Variants in PLB1 observed in about 807,000 individuals in gnomAD.
PLB1 encodes phospholipase B1, membrane-associated.
A neutral mutation model predicts 227.4 loss-of-function variants in PLB1; 242 were observed. The ratio of observed to expected loss-of-function variants is 1.06; its 90% CI spans 0.96 to 1.18. The LOEUF (loss-of-function observed/expected upper bound fraction) is 1.18. Ranked by LOEUF, PLB1 falls within the 50% of genes most tolerant of loss-of-function variation. PLB1 has a pLI of 0.00. For missense variants in PLB1, 1,858 were observed against 1,816.3 expected (o/e 1.02, Z -0.42); for synonymous variants, 757 against 682.2 (o/e 1.11, Z -1.71).
intron 16 of PLB1, among the ~76,000 whole-genome samples, chr2:28,552,719 G>A (rs1399876899): frequency 6.6e-6 from 1 of 152,222 alleles, no homozygotes; most frequent in African/African-American, 2.4e-5. Context: ...TGGAGGCAGA[G>A]GCACTGGAGC....
At chr2:28,615,295 C>T (rs569409400) in intron 44 of PLB1, among the ~76,000 whole-genome samples, 10 of 152,146 alleles carry the variant, frequency 6.6e-5, no homozygotes, top group Non-Finnish European at 1.3e-4. Flanking sequence ...TCACACAAAG[C>T]CTGAATTACT....
chr2:28,504,900 C>T (rs1171687024), intron 1 of PLB1, among the ~76,000 whole-genome samples: 1 of 152,084 alleles, frequency 6.6e-6, no homozygotes, highest in Non-Finnish European at 1.5e-5. Context: ...ACCTGGTTAT[C>T]TTTTATTGCA....
intron 3 of PLB1, among the ~76,000 whole-genome samples, chr2:28,518,830 A>G (rs112079452): frequency 1.6e-4 from 25 of 152,270 alleles, no homozygotes; most frequent in African/African-American, 5.8e-4. Context: ...ATGTAGTACA[A>G]TGGCAGCTCT....
chr2:28,612,722 C>A (rs1011538491), intron 43 of PLB1, among the ~76,000 whole-genome samples: 6 of 150,956 alleles, frequency 4.0e-5, no homozygotes, highest in Non-Finnish European at 8.8e-5. Context: ...AATTCTCATG[C>A]CTCAACCTCT....
At chr2:28,603,887 C>A in intron 39 of PLB1, 79 bp from the exon 40 acceptor site, 1 of 1,368,896 alleles carries the variant, frequency 7.3e-7, no homozygotes. Flanking sequence ...TCCACCCCTC[C>A]CCTGAACCTG....
chr2:28,544,736 A>G (rs930694982), intron 14 of PLB1, among the ~76,000 whole-genome samples: 1 of 152,276 alleles, frequency 6.6e-6, no homozygotes, highest in African/African-American at 2.4e-5. Context: ...AATGTGTTGG[A>G]GGAGGTCACG....
At chr2:28,557,174 G>A (rs577437875) in intron 17 of PLB1, among the ~76,000 whole-genome samples, 2 of 152,292 alleles carry the variant, frequency 1.3e-5, no homozygotes, top group South Asian at 2.1e-4. Flanking sequence ...AAGACACTTA[G>A]AGAAGTGTTT....
At chr2:28,598,236 G>A (rs1485471539) in intron 34 of PLB1, among the ~76,000 whole-genome samples, 188 bp downstream of exon 34, 1 of 152,196 alleles carries the variant, frequency 6.6e-6, no homozygotes, top group Admixed American at 6.5e-5. Flanking sequence ...AGAGCCTGAA[G>A]ATCTGAGTTC....
At chr2:28,546,168 C>A (rs549578234) in intron 14 of PLB1, among the ~76,000 whole-genome samples, 1 of 152,180 alleles carries the variant, frequency 6.6e-6, no homozygotes, top group Non-Finnish European at 1.5e-5. Flanking sequence ...GGTGCCAAGC[C>A]GAGGAGGATT....
intron 20 of PLB1, among the ~76,000 whole-genome samples, chr2:28,570,406 A>T (rs1395392250): frequency 6.6e-6 from 1 of 152,250 alleles, no homozygotes; most frequent in Non-Finnish European, 1.5e-5. Flanking sequence ...TGTCAATAGG[A>T]TAAAAGACCA....
chr2:28,517,870 C>CTTTTTTT (rs751699033), intron 2 of PLB1, among the ~76,000 whole-genome samples: 1 of 133,858 alleles, frequency 7.5e-6, no homozygotes, highest in African/African-American at 2.7e-5. Context: ...AGAACTTTCT[C>CTTTTTTT]TTTTTTTTTT....
chr2:28,630,084 C>T (rs1558960472), intron 53 of PLB1, among the ~76,000 whole-genome samples: 1 of 152,170 alleles, frequency 6.6e-6, no homozygotes, highest in South Asian at 2.1e-4. Context: ...GTTGGCCCTC[C>T]CCAGCTTTCC....
chr2:28,532,270 C>A, intron 9 of PLB1, 76 bp downstream of exon 9: 2 of 1,193,564 alleles, frequency 1.7e-6, no homozygotes, highest in Non-Finnish European at 2.4e-6. Flanking sequence ...TGCCTGATTA[C>A]CCAATCCCCA....
At chr2:28,590,584 A>C (rs1185507097) in intron 29 of PLB1, among the ~76,000 whole-genome samples, 1 of 152,172 alleles carries the variant, frequency 6.6e-6, no homozygotes, top group African/African-American at 2.4e-5. Flanking sequence ...AAGTTCTCAG[A>C]AAGATTCTTG....
intron 3 of PLB1, 100 bp from the exon 4 acceptor site, chr2:28,519,605 G>A: frequency 1.1e-6 from 1 of 882,300 alleles, no homozygotes; most frequent in South Asian, 1.5e-5. Flanking sequence ...CAGCTGTCCA[G>A]GGGCTGGGGA....
chr2:28,594,896 C>T (rs1682641782), intron 33 of PLB1: 1 of 152,190 alleles, frequency 6.6e-6, no homozygotes, highest in East Asian at 1.9e-4. Flanking sequence ...GGAGAGAAAG[C>T]AGAGCTTATT....
intron 4 of PLB1, 58 bp from the exon 5 acceptor site, chr2:28,525,209 C>T: frequency 6.5e-7 from 1 of 1,549,710 alleles, no homozygotes; most frequent in Non-Finnish European, 8.9e-7. Context: ...TGCGGTCTAA[C>T]TAGAAGAGGC....
intron 56 of PLB1, chr2:28,633,552 C>G (rs568629402): frequency 1.4e-5 from 2 of 145,542 alleles, no homozygotes; most frequent in African/African-American, 5.1e-5. Context: ...ACTCATTTCT[C>G]TAAACATCGA....
chr2:28,567,567 T>A (rs375913588), intron 20 of PLB1, among the ~76,000 whole-genome samples: 3 of 142,990 alleles, frequency 2.1e-5, no homozygotes, highest in Non-Finnish European at 3.0e-5. Context: ...TCCGCCTCCC[T>A]GGTTCAAGCG....
Sources: gnomAD v4.1 joint callset for allele counts (sites outside exome capture counted in the v4.1 genomes callset) on GRCh38, gnomAD v4.1.1 for gene constraint, MANE v1.5 for transcripts, NCBI Gene and HGNC (gene_info 2026-07-23, HGNC 2026-07-21) for gene names.